SPACA7: variants seen among roughly 807,000 people sequenced by gnomAD.
SPACA7 encodes sperm acrosome associated 7, also known as sperm acrosome-associated protein 7.
A neutral mutation model predicts 26.3 loss-of-function variants in SPACA7; 19 were observed. That is an observed-to-expected ratio of 0.72 (90% CI 0.50 to 1.06). The LOEUF is 1.06. SPACA7 is among the 50% of genes least tolerant of loss of function. The pLI, the probability that SPACA7 is intolerant of heterozygous loss-of-function variation, is 0.00. For missense variants in SPACA7, 211 were observed against 229.9 expected (o/e 0.92, Z 0.53); for synonymous variants, 84 against 84.5 (o/e 0.99, Z 0.04).
chr13:112,422,922 T>C (rs1266031792), intron 5 of SPACA7, among the ~76,000 whole-genome samples: 1 of 152,192 alleles, frequency 6.6e-6, no homozygotes, highest in Non-Finnish European at 1.5e-5. Flanking sequence ...GAATTGTCTA[T>C]TTCAGAAAAA....
At chr13:112,390,913 C>A (rs1278014) in intron 1 of SPACA7, among the ~76,000 whole-genome samples, 1 of 152,062 alleles carries the variant, frequency 6.6e-6, no homozygotes, top group Non-Finnish European at 1.5e-5. Flanking sequence ...ACCCTCACTG[C>A]GTGTCCTACA....
chr13:112,379,977 G>T (rs1883940227), intron 1 of SPACA7, among the ~76,000 whole-genome samples: 1 of 152,146 alleles, frequency 6.6e-6, no homozygotes, highest in African/African-American at 2.4e-5. Flanking sequence ...TTTTAATATT[G>T]AGGAGACTCA....
rs61438595 is a variant in SPACA7, at chr13:112,430,174, C to CTGTGTGTGTGTGTGTG, written c.446-2250_446-2235dup. Among the ~76,000 whole-genome samples, 1,096 of 134,278 alleles carry CTGTGTGTGTGTGTGTG rather than the reference C, an allele frequency of 8.2e-3. 7 individuals carry two copies. Among genetic ancestry groups the CTGTGTGTGTGTGTGTG allele is most frequent in the South Asian group, 0.021 (86 of 4,034 alleles). The allele number at this position is 134,278 out of a possible 152,430, so 88.1% of individuals were successfully genotyped here. A position where few individuals can be genotyped will look rare whatever the true frequency, so the allele number is the denominator to read the frequency against. ...CAAGGCATCCCTTGCATCTCTCTCT[C>CTGTGTGTGTGTGTGTG]TGTGTGTGTGTGTGTGTGTGTGTGT... On this transcript the variant is annotated intron_variant, in intron 5 of 6. Coordinates refer to ENST00000283550, the MANE Select transcript of SPACA7 (RefSeq NM_145248.5).
rs896108131 is a variant in SPACA7 at position 112,399,308 on chromosome 13, G to A, written c.349+135G>A. 1.8e-4 allele frequency: 122 copies of A among 673,902 alleles called. No individual in the cohort carries two copies. In the African/African-American group the frequency reaches 2.1e-3, roughly 12 times the overall value. 41.7% of individuals were successfully genotyped at this position (673,902 alleles called of 1,614,324 possible). ...TGGGAGAATGTGCCCACTTCCCCTG[G>A]TTGGGCAGATCTCCCAGTCTCTGTC... is the stretch of plus-strand genomic sequence containing the variant. On this transcript the variant is annotated intron_variant, in intron 4 of 6. Coordinates refer to ENST00000283550, the MANE Select transcript of SPACA7 (RefSeq NM_145248.5).
chr13:112,376,364 T>C lies in SPACA7; in HGVS notation c.-22T>C. On this transcript the variant is annotated 5_prime_UTR_variant, in exon 1 of 7. Coordinates refer to ENST00000283550, the MANE Select transcript of SPACA7 (RefSeq NM_145248.5). ...GAAACTGTCAACCTTCAGAACGTCC[T>C]TCTCCCTCAGCTGGAGGGAGCATGG... 3.1e-6 allele frequency: 5 copies of C among 1,609,564 alleles called. No homozygotes were observed. Among genetic ancestry groups the C allele is most frequent in the Non-Finnish European group, 4.2e-6 (5 of 1,178,008 alleles).
intron 5 of SPACA7, among the ~76,000 whole-genome samples, chr13:112,425,318 A>G (rs1200931736): frequency 5.3e-5 from 8 of 152,242 alleles, no homozygotes; most frequent in East Asian, 1.9e-4. Context: ...CTGATGGCAC[A>G]TGACAAGGAT....
At chr13:112,399,249 G>A (rs150247066) in intron 4 of SPACA7, 76 bp downstream of exon 4, 9,634 of 804,854 alleles carry the variant, frequency 0.012, 134 homozygotes, top group South Asian at 0.034. Flanking sequence ...AGACGCAGGC[G>A]GAAACATCTC....
Position 112,396,502 on chromosome 13 carries a change from A to G in SPACA7, c.152-1547A>G, listed in dbSNP as rs567538348. Among the ~76,000 whole-genome samples, 454 of 152,310 alleles carry G rather than the reference A, an allele frequency of 3.0e-3. 2 individuals are homozygous for G. The highest frequency in any genetic ancestry group is 0.017 in the Middle Eastern group (5 of 294). ...TGGACATGGCTGGCTGGAATGGGGT[A>G]GAGACCAGGGACTGAGGCTGGGCCA... On this transcript the variant is annotated intron_variant, in intron 2 of 6. Coordinates refer to ENST00000283550, the MANE Select transcript of SPACA7 (RefSeq NM_145248.5).
At chr13:112,407,512 G>A (rs998232770) in intron 5 of SPACA7, among the ~76,000 whole-genome samples, 12 of 151,910 alleles carry the variant, frequency 7.9e-5, no homozygotes, top group Non-Finnish European at 1.5e-4. Flanking sequence ...TCAAACAGAC[G>A]CAACAAAAAA....
intron 5 of SPACA7, among the ~76,000 whole-genome samples, chr13:112,414,427 T>C (rs1027123585): frequency 1.1e-4 from 12 of 111,182 alleles, no homozygotes; most frequent in Non-Finnish European, 2.1e-4. Context: ...TTTTTTTTTT[T>C]TGAGATGTGG....
chr13:112,406,520 C>A (rs1885998550), intron 5 of SPACA7, among the ~76,000 whole-genome samples: 1 of 152,140 alleles, frequency 6.6e-6, no homozygotes, highest in African/African-American at 2.4e-5. Flanking sequence ...AACCCAACAA[C>A]AAATAACTCT....
intron 5 of SPACA7, among the ~76,000 whole-genome samples, chr13:112,420,154 C>A (rs995555235): frequency 9.2e-5 from 14 of 152,200 alleles, no homozygotes; most frequent in African/African-American, 3.4e-4. Context: ...ACGTCAATCT[C>A]TACTGTGCTT....
At chr13:112,396,158 TC>T (rs1339906516) in intron 2 of SPACA7, among the ~76,000 whole-genome samples, 10 of 142,458 alleles carry the variant, frequency 7.0e-5, no homozygotes. Context: ...AGGAGGCCAC[TC>T]CCGGCTTCGG....
intron 2 of SPACA7, among the ~76,000 whole-genome samples, chr13:112,395,192 C>T (rs1179442191): frequency 2.0e-5 from 3 of 152,198 alleles, no homozygotes; most frequent in African/African-American, 7.2e-5. Flanking sequence ...CAGGCTGCAG[C>T]TGGGTGTGCT....
intron 6 of SPACA7, among the ~76,000 whole-genome samples, chr13:112,433,793 C>A (rs1877438221): frequency 6.6e-6 from 1 of 152,172 alleles, no homozygotes; most frequent in Non-Finnish European, 1.5e-5. Context: ...AGGGACCAGG[C>A]CAACACACGC....
intron 5 of SPACA7, among the ~76,000 whole-genome samples, chr13:112,402,725 A>G (rs992877392): frequency 6.6e-6 from 1 of 152,176 alleles, no homozygotes; most frequent in Non-Finnish European, 1.5e-5. Context: ...ATGTTTTGTC[A>G]AAGTCTTTTT....
chr13:112,394,899 T>A (rs1476930081), intron 2 of SPACA7, among the ~76,000 whole-genome samples: 2 of 152,222 alleles, frequency 1.3e-5, no homozygotes, highest in East Asian at 3.9e-4. Flanking sequence ...CAACTAAACC[T>A]AGAAGGAAGC....
chr13:112,392,695 C>T (rs189379302), intron 1 of SPACA7, among the ~76,000 whole-genome samples: 4 of 152,320 alleles, frequency 2.6e-5, no homozygotes, highest in Middle Eastern at 3.4e-3. Flanking sequence ...GTCATCCTTG[C>T]GACCGGGATG....
chr13:112,400,230 A>C (rs1885548695), intron 4 of SPACA7, among the ~76,000 whole-genome samples: 1 of 152,270 alleles, frequency 6.6e-6, no homozygotes, highest in Non-Finnish European at 1.5e-5. Flanking sequence ...CCATTACCCC[A>C]AAGAGTCCCC....
Sources: gnomAD v4.1 joint callset for allele counts (sites outside exome capture counted in the v4.1 genomes callset) on GRCh38, gnomAD v4.1.1 for gene constraint, MANE v1.5 for transcripts, NCBI Gene and HGNC (gene_info 2026-07-23, HGNC 2026-07-21) for gene names.